The following SEMA3A variants were observed in gnomAD, a reference collection of about 807,000 sequenced individuals.
The protein encoded by SEMA3A is semaphorin 3A, also known as semaphorin-3A.
In SEMA3A, 29 loss-of-function variants were observed where a neutral mutation model predicts 97.9. That is an observed-to-expected ratio of 0.30 (90% confidence interval 0.22 to 0.40). The LOEUF is 0.40. SEMA3A is among the 10% of genes least tolerant of loss of function. The pLI is 1.00. For synonymous variants in SEMA3A, 321 were observed against 323.7 expected, an observed-to-expected ratio of 0.99 and a Z score of 0.09; for missense variants, 763 against 951.3, an observed-to-expected ratio of 0.80 and a Z score of 2.60.
At chr7:83,996,190 T>C (rs893622755) in intron 12 of SEMA3A, among the ~76,000 whole-genome samples, 1 of 152,150 alleles carries the variant, frequency 6.6e-6, no homozygotes, top group Non-Finnish European at 1.5e-5. Context: ...GGCTTTTATA[T>C]CTTCTGAGTA....
chr7:84,120,835 G>C (rs13233962), intron 3 of SEMA3A, among the ~76,000 whole-genome samples: 74,108 of 151,940 alleles, frequency 0.49, 19,224 homozygotes, highest in East Asian at 0.69. Flanking sequence ...ACTAACAAAA[G>C]ATTGTGACTC....
intron 1 of SEMA3A, among the ~76,000 whole-genome samples, chr7:84,403,291 G>A (rs541708144): frequency 9.2e-5 from 14 of 152,258 alleles, no homozygotes; most frequent in South Asian, 8.3e-4. Flanking sequence ...ACGAAGCCTC[G>A]CTCATTGCTA....
intron 3 of SEMA3A, among the ~76,000 whole-genome samples, chr7:84,217,279 A>G (rs1032943343): frequency 1.5e-4 from 23 of 152,230 alleles, no homozygotes; most frequent in African/African-American, 5.1e-4. Context: ...TCTCTAAAAA[A>G]GTAAAAATAT....
At chr7:84,286,697 C>A (rs1226332154) in intron 3 of SEMA3A, among the ~76,000 whole-genome samples, 1 of 152,048 alleles carries the variant, frequency 6.6e-6, no homozygotes, top group Admixed American at 6.6e-5. Flanking sequence ...CAAAGGTAGT[C>A]CACTTTCCCC....
chr7:84,448,864 C>T (rs1805490374), intron 1 of SEMA3A, among the ~76,000 whole-genome samples: 2 of 151,392 alleles, frequency 1.3e-5, no homozygotes. Context: ...AGAAGAATGG[C>T]AAATCTGGGG....
chr7:84,325,362 G>A (rs535426682), intron 2 of SEMA3A, among the ~76,000 whole-genome samples: 29 of 152,224 alleles, frequency 1.9e-4, no homozygotes, highest in African/African-American at 7.0e-4. Context: ...AGAGAGTGAT[G>A]AGTGGTGCTG....
chr7:84,084,211 GAA>G (rs920924404), intron 4 of SEMA3A, among the ~76,000 whole-genome samples: 1 of 151,874 alleles, frequency 6.6e-6, no homozygotes, highest in Non-Finnish European at 1.5e-5. Context: ...AAGTTGCTAA[GAA>G]TTATTTATTT....
At chr7:84,405,505 G>C (rs201984123) in intron 1 of SEMA3A, among the ~76,000 whole-genome samples, 1 of 151,142 alleles carries the variant, frequency 6.6e-6, no homozygotes, top group Admixed American at 6.6e-5. Context: ...AAGTTAACAA[G>C]GATATCCAGG....
Position 84,014,169 on chromosome 7 carries a change from GA to G in SEMA3A, c.810+39del, listed in dbSNP as rs768728828. ...ATTTTAAAAAGCAAAGCTGTTATGGGAAAATGACATCCTTCTCAGTTTTTTT... is the reference window on the plus strand; with the variant it reads ...ATTTTAAAAAGCAAAGCTGTTATGGGAAATGACATCCTTCTCAGTTTTTTT... On this transcript the variant is annotated intron_variant, in intron 7 of 16. Transcript: ENST00000265362. 9 of 1,570,764 alleles carry G rather than the reference GA, an allele frequency of 5.7e-6. No individual in the cohort carries two copies. The Admixed American group carries it at 1.7e-4, about 30-fold the overall frequency.
chr7:84,287,792 C>T (rs1800628275), intron 3 of SEMA3A, among the ~76,000 whole-genome samples: 1 of 152,070 alleles, frequency 6.6e-6, no homozygotes, highest in South Asian at 2.1e-4. Flanking sequence ...ACCATAGTAT[C>T]TGAAAACTCA....
Position 83,960,218 on chromosome 7 carries a change from T to C in SEMA3A, c.*1153A>G, listed in dbSNP as rs1300717416. 6.6e-6 allele frequency: 1 copy of C among 152,066 alleles called. No homozygotes were observed. The highest frequency in any genetic ancestry group is 1.5e-5 in the Non-Finnish European group (1 of 67,942). The allele number at this position is 152,066 out of a possible 1,614,324, so 9.4% of individuals were successfully genotyped here. ...AGAGAGATCTTAGTCTCAAATATCA[T>C]GCAGGGATTCAAGCACGGAATTAAG... is the stretch of plus-strand genomic sequence containing the variant. On this transcript the variant is annotated 3_prime_UTR_variant, in exon 17 of 17. Coordinates refer to ENST00000265362, the MANE Select transcript of SEMA3A (RefSeq NM_006080.3).
intron 2 of SEMA3A, among the ~76,000 whole-genome samples, chr7:84,359,939 G>C (rs564057037): frequency 2.7e-5 from 4 of 150,918 alleles, no homozygotes; most frequent in South Asian, 4.2e-4. Context: ...GGTGTTTGTA[G>C]TATTCTCTGA....
At chr7:84,332,208 C>T (rs1801924857) in intron 2 of SEMA3A, among the ~76,000 whole-genome samples, 1 of 152,086 alleles carries the variant, frequency 6.6e-6, no homozygotes, top group East Asian at 1.9e-4. Context: ...AGCAGATGTT[C>T]CTATCAGAAT....
chr7:84,487,113 C>A (rs978900631), intron 1 of SEMA3A, among the ~76,000 whole-genome samples: 3 of 152,022 alleles, frequency 2.0e-5, no homozygotes, highest in Non-Finnish European at 4.4e-5. Flanking sequence ...AAAATTTATA[C>A]CCATGCTTAA....
intron 1 of SEMA3A, among the ~76,000 whole-genome samples, chr7:84,451,562 T>G (rs980266361): frequency 1.3e-5 from 2 of 152,174 alleles, no homozygotes; most frequent in African/African-American, 4.8e-5. Context: ...AGATAGAAAT[T>G]TGCCTCATAG....
chr7:84,048,030 T>C (rs1792427230), intron 5 of SEMA3A, among the ~76,000 whole-genome samples: 1 of 152,018 alleles, frequency 6.6e-6, no homozygotes, highest in Non-Finnish European at 1.5e-5. Context: ...CATCCATAGA[T>C]ATGAATCTTA....
intron 1 of SEMA3A, among the ~76,000 whole-genome samples, chr7:84,489,591 A>G (rs971204852): frequency 2.6e-5 from 4 of 152,156 alleles, no homozygotes; most frequent in African/African-American, 7.2e-5. Flanking sequence ...GGAATCTTGA[A>G]TAATGGAATA....
chr7:84,313,394 A>G (rs1417604919), intron 2 of SEMA3A, among the ~76,000 whole-genome samples: 1 of 116,230 alleles, frequency 8.6e-6, no homozygotes, highest in South Asian at 2.6e-4. Flanking sequence ...ATATATATAT[A>G]TATATATATA....
intron 3 of SEMA3A, among the ~76,000 whole-genome samples, chr7:84,201,237 T>C (rs1233319182): frequency 6.6e-6 from 1 of 152,096 alleles, no homozygotes; most frequent in Non-Finnish European, 1.5e-5. Context: ...CTTTTTTCTT[T>C]GTCTTAAATG....
Sources: gnomAD v4.1 joint callset for allele counts (sites outside exome capture counted in the v4.1 genomes callset) on GRCh38, gnomAD v4.1.1 for gene constraint, MANE v1.5 for transcripts, NCBI Gene and HGNC (gene_info 2026-07-23, HGNC 2026-07-21) for gene names.